Variants in TSHZ2 observed in about 807,000 individuals in gnomAD.
TSHZ2 encodes teashirt homolog 2.
Under a neutral mutation model 74.4 loss-of-function variants are expected in TSHZ2, and 21 were observed. The ratio of observed to expected loss-of-function variants is 0.28; its 90% CI spans 0.20 to 0.41. The LOEUF (loss-of-function observed/expected upper bound fraction) is 0.41, where lower values mean the gene tolerates loss of function less well. TSHZ2 is among the 10% of genes least tolerant of loss of function. The pLI, the probability that TSHZ2 is intolerant of heterozygous loss-of-function variation, is 1.00. For synonymous variants in TSHZ2, 540 were observed against 515.3 expected, an observed-to-expected ratio of 1.05 and a Z score of -0.65; for missense variants, 1,244 against 1,293.5, an observed-to-expected ratio of 0.96 and a Z score of 0.59.
rs554433632 is a variant in TSHZ2 at position 53,217,578 on chromosome 20, G to C, written c.41-35921G>C. ...CCAGGCGCAATATAAGGAGTGGATGGGGACCATGGCAGATCCCTGGTGCTC... is the reference window on the plus strand; with the variant it reads ...CCAGGCGCAATATAAGGAGTGGATGCGGACCATGGCAGATCCCTGGTGCTC... On this transcript the variant is annotated intron_variant, in intron 1 of 2. Coordinates refer to ENST00000371497, the MANE Select transcript of TSHZ2 (RefSeq NM_173485.6). Among the ~76,000 whole-genome samples, 278 of 152,266 alleles carry C rather than the reference G, an allele frequency of 1.8e-3. 2 individuals carry two copies. The highest frequency in any genetic ancestry group is 6.0e-3 in the African/African-American group (249 of 41,546).
At chr20:53,453,262 A>G (rs534498720) in intron 2 of TSHZ2, among the ~76,000 whole-genome samples, 1 of 152,228 alleles carries the variant, frequency 6.6e-6, no homozygotes, top group African/African-American at 2.4e-5. Flanking sequence ...AATATCTTCC[A>G]GGGAGGGCAG....
intron 1 of TSHZ2, among the ~76,000 whole-genome samples, chr20:53,153,193 A>G (rs1028834835): frequency 6.6e-6 from 1 of 152,230 alleles, no homozygotes; most frequent in Admixed American, 6.5e-5. Context: ...TGCTGTGACC[A>G]TAGCCCCTGA....
chr20:53,189,881 C>T (rs930229100), intron 1 of TSHZ2, among the ~76,000 whole-genome samples: 14 of 151,106 alleles, frequency 9.3e-5, no homozygotes, highest in African/African-American at 2.7e-4. Context: ...CTTGGGAGTT[C>T]GAGACCAGCC....
At chr20:53,422,256 G>A (rs1429834803) in intron 2 of TSHZ2, among the ~76,000 whole-genome samples, 1 of 152,138 alleles carries the variant, frequency 6.6e-6, no homozygotes, top group Non-Finnish European at 1.5e-5. Flanking sequence ...CCCTTCCCTT[G>A]AATTCAGTGA....
chr20:53,304,803 T>C (rs914173596), intron 2 of TSHZ2, among the ~76,000 whole-genome samples: 2 of 152,020 alleles, frequency 1.3e-5, no homozygotes, highest in Non-Finnish European at 2.9e-5. Flanking sequence ...AGCTAATTTT[T>C]GTATTGTTAG....
chr20:53,473,189 C>A (rs1439997478), intron 2 of TSHZ2, among the ~76,000 whole-genome samples: 2 of 145,950 alleles, frequency 1.4e-5, no homozygotes, highest in Admixed American at 6.8e-5. Context: ...TCTGTAGGCT[C>A]CACCTCTGGG....
At chr20:53,383,927 A>G (rs575416482) in intron 2 of TSHZ2, among the ~76,000 whole-genome samples, 5 of 152,260 alleles carry the variant, frequency 3.3e-5, no homozygotes, top group South Asian at 2.1e-4. Context: ...GAAGTAACCA[A>G]AAAGCTAGGC....
intron 2 of TSHZ2, among the ~76,000 whole-genome samples, chr20:53,273,819 A>C (rs939326698): frequency 6.6e-6 from 1 of 152,154 alleles, no homozygotes; most frequent in African/African-American, 2.4e-5. Context: ...CAAACAAAGA[A>C]GACACGTGTT....
chr20:53,088,776 C>T (rs982085192), intron 1 of TSHZ2, among the ~76,000 whole-genome samples: 8 of 152,014 alleles, frequency 5.3e-5, no homozygotes, highest in Non-Finnish European at 1.0e-4. Flanking sequence ...AAAGAGAGTG[C>T]TTTGGCATTT....
chr20:53,480,701 C>A (rs1986126934), intron 2 of TSHZ2, among the ~76,000 whole-genome samples: 2 of 152,272 alleles, frequency 1.3e-5, no homozygotes, highest in South Asian at 4.2e-4. Context: ...AGCAGTGCCC[C>A]CTTTTAGCAA....
At chr20:53,470,406 T>C (rs866512912) in intron 2 of TSHZ2, among the ~76,000 whole-genome samples, 9 of 152,364 alleles carry the variant, frequency 5.9e-5, no homozygotes, top group Admixed American at 2.0e-4. Context: ...CCAATTTGCA[T>C]TTCCAAATTG....
chr20:53,284,776 G>C (rs1259962794), intron 2 of TSHZ2, among the ~76,000 whole-genome samples: 1 of 141,058 alleles, frequency 7.1e-6, no homozygotes, highest in Admixed American at 7.5e-5. Flanking sequence ...GAGAGAAATA[G>C]AGAGAGGAAG....
chr20:53,065,979 C>T (rs1345912810), intron 1 of TSHZ2, among the ~76,000 whole-genome samples: 2 of 152,138 alleles, frequency 1.3e-5, no homozygotes, highest in Admixed American at 6.5e-5. Context: ...CCTGTATCCA[C>T]GCTGACTTCC....
At chr20:53,329,638 T>C (rs1426147897) in intron 2 of TSHZ2, among the ~76,000 whole-genome samples, 1 of 146,984 alleles carries the variant, frequency 6.8e-6, no homozygotes, top group Non-Finnish European at 1.5e-5. Context: ...AGACTAATTA[T>C]ATGGATAATG....
At chr20:53,135,809 T>C (rs1484113169) in intron 1 of TSHZ2, among the ~76,000 whole-genome samples, 1 of 151,950 alleles carries the variant, frequency 6.6e-6, no homozygotes, top group East Asian at 1.9e-4. Context: ...CTCCCTATGT[T>C]GTCTAGGCTG....
intron 1 of TSHZ2, among the ~76,000 whole-genome samples, chr20:53,141,493 T>C (rs1268258839): frequency 1.3e-5 from 2 of 152,224 alleles, no homozygotes; most frequent in East Asian, 3.9e-4. Context: ...TATTGACAGA[T>C]GTTTGCTTGG....
At chr20:53,265,631 C>A (rs1990699201) in intron 2 of TSHZ2, among the ~76,000 whole-genome samples, 4 of 152,214 alleles carry the variant, frequency 2.6e-5, no homozygotes, top group Admixed American at 2.6e-4. Context: ...AGCCCCACGC[C>A]TTGATTATTC....
intron 2 of TSHZ2, among the ~76,000 whole-genome samples, chr20:53,338,031 C>T (rs1980025641): frequency 6.6e-6 from 1 of 152,168 alleles, no homozygotes; most frequent in African/African-American, 2.4e-5. Flanking sequence ...GTTAGAAAAC[C>T]TCTCTGACCC....
At chr20:53,268,698 G>T (rs929109690) in intron 2 of TSHZ2, among the ~76,000 whole-genome samples, 4 of 152,200 alleles carry the variant, frequency 2.6e-5, no homozygotes, top group African/African-American at 9.7e-5. Context: ...CTAAACCCCA[G>T]GTTGCTCACC....
Sources: gnomAD v4.1 joint callset for allele counts (sites outside exome capture counted in the v4.1 genomes callset) on GRCh38, gnomAD v4.1.1 for gene constraint, MANE v1.5 for transcripts, NCBI Gene and HGNC (gene_info 2026-07-23, HGNC 2026-07-21) for gene names.